Variants in DCLK2 observed in about 807,000 individuals in gnomAD.
The protein encoded by DCLK2 is serine/threonine-protein kinase DCLK2.
A neutral mutation model predicts 78.4 loss-of-function variants in DCLK2; 31 were observed. The ratio of observed to expected loss-of-function variants is 0.40; its 90% CI spans 0.30 to 0.53. The LOEUF is 0.53. Ranked by LOEUF, DCLK2 falls within the 20% of genes least tolerant of loss-of-function variation. The pLI, the probability that DCLK2 is intolerant of heterozygous loss-of-function variation, is 0.61. For synonymous variants in DCLK2, 407 were observed against 374.9 expected (o/e 1.09, Z -0.99); for missense variants, 872 against 973.7 (o/e 0.90, Z 1.39).
intron 1 of DCLK2, among the ~76,000 whole-genome samples, chr4:150,096,156 CA>C (rs1309702209): frequency 6.6e-6 from 1 of 152,176 alleles, no homozygotes; most frequent in Non-Finnish European, 1.5e-5. Context: ...AGTTGGTTTC[CA>C]GAGGGGTTTA....
At chr4:150,089,170 A>G (rs1313477372) in intron 1 of DCLK2, among the ~76,000 whole-genome samples, 2 of 152,144 alleles carry the variant, frequency 1.3e-5, no homozygotes, top group East Asian at 3.8e-4. Flanking sequence ...CTTCCTCTAA[A>G]CATCATCACC....
At chr4:150,252,710 C>A (rs1351772258) in intron 15 of DCLK2, among the ~76,000 whole-genome samples, 2 of 152,212 alleles carry the variant, frequency 1.3e-5, no homozygotes, top group Non-Finnish European at 2.9e-5. Context: ...TTTGTGTGAA[C>A]AAACAACCCG....
intron 10 of DCLK2, among the ~76,000 whole-genome samples, chr4:150,238,688 C>A (rs1742687327): frequency 6.6e-6 from 1 of 151,802 alleles, no homozygotes; most frequent in South Asian, 2.1e-4. Context: ...TTTATTGAGC[C>A]CTGTTCTGAG....
chr4:150,231,017 A>T (rs778095035), intron 8 of DCLK2, among the ~76,000 whole-genome samples: 1 of 152,212 alleles, frequency 6.6e-6, no homozygotes, highest in Non-Finnish European at 1.5e-5. Context: ...GCATGCTCTT[A>T]TCTTTTTAAG....
At chr4:150,245,313 T>A (rs970002362) in intron 12 of DCLK2, among the ~76,000 whole-genome samples, 1 of 152,230 alleles carries the variant, frequency 6.6e-6, no homozygotes, top group African/African-American at 2.4e-5. Context: ...CTCCTCAGTG[T>A]GCCTCTTCAC....
intron 15 of DCLK2, chr4:150,253,257 C>T (rs1428105720): frequency 1.8e-6 from 1 of 550,496 alleles, no homozygotes; most frequent in Non-Finnish European, 3.4e-6. Flanking sequence ...ACCTGGTTTT[C>T]TGCAGATACA....
chr4:150,219,181 G>T (rs534050474), intron 5 of DCLK2, among the ~76,000 whole-genome samples: 1 of 151,654 alleles, frequency 6.6e-6, no homozygotes, highest in Non-Finnish European at 1.5e-5. Flanking sequence ...TCCAGCCTGG[G>T]CAACAGAATG....
chr4:150,101,718 A>T (rs1241335810), intron 1 of DCLK2, among the ~76,000 whole-genome samples: 1 of 152,198 alleles, frequency 6.6e-6, no homozygotes, highest in Non-Finnish European at 1.5e-5. Context: ...CAAATAATAT[A>T]GCTCTTATGT....
chr4:150,199,188 C>G (rs1456306724), intron 4 of DCLK2: 1 of 952,044 alleles, frequency 1.1e-6, no homozygotes, highest in Non-Finnish European at 1.6e-6. Context: ...TGGCTTATTC[C>G]AGTGCACATC....
At chr4:150,241,265 C>T (rs543866005) in intron 12 of DCLK2, among the ~76,000 whole-genome samples, 44 of 152,308 alleles carry the variant, frequency 2.9e-4, no homozygotes, top group Middle Eastern at 3.4e-3. Context: ...CCATTTGCTT[C>T]ACATGGTGGG....
chr4:150,205,578 G>C (rs914155980), intron 5 of DCLK2, among the ~76,000 whole-genome samples: 3 of 152,150 alleles, frequency 2.0e-5, no homozygotes, highest in African/African-American at 7.2e-5. Flanking sequence ...GATTTCAGTG[G>C]ACTTTTAAAT....
chr4:150,120,039 G>A (rs904000680), intron 2 of DCLK2, among the ~76,000 whole-genome samples: 2 of 152,132 alleles, frequency 1.3e-5, no homozygotes, highest in African/African-American at 4.8e-5. Flanking sequence ...CCTGCTGATA[G>A]CAATTTGTAC....
At position 150,102,951 on chromosome 4, in the gene DCLK2, GTA is replaced by G. The variant is rs878971327; in HGVS notation, c.756+141_756+142del. The G allele has an allele frequency of 1.1e-3, 826 of 720,202 alleles. 5 individuals carry two copies. The East Asian group carries it at 0.021, about 18-fold the overall frequency. 44.6% of individuals were successfully genotyped at this position (720,202 alleles called of 1,614,324 possible). A position where few individuals can be genotyped will look rare whatever the true frequency, so the allele number is the denominator to read the frequency against. On this transcript the variant is annotated intron_variant, in intron 2 of 15. Transcript: ENST00000296550. Reference sequence around the variant, plus strand: ...CATACTTGAGATTGTGTGTGTGTGTGTATGTGTGTGTGTGTGTATGTATGTAA... The same window carrying G: ...CATACTTGAGATTGTGTGTGTGTGTGTGTGTGTGTGTGTGTATGTATGTAA...
chr4:150,087,891 A>T (rs1410800081), intron 1 of DCLK2, among the ~76,000 whole-genome samples: 1 of 152,188 alleles, frequency 6.6e-6, no homozygotes, highest in Non-Finnish European at 1.5e-5. Context: ...TTTGGGGGAA[A>T]AGAGTTTGGG....
chr4:150,216,588 G>A (rs956227965), intron 5 of DCLK2, among the ~76,000 whole-genome samples: 13 of 152,218 alleles, frequency 8.5e-5, no homozygotes, highest in African/African-American at 2.9e-4. Flanking sequence ...GCAGTGAGCC[G>A]AGATTGTGCC....
chr4:150,118,175 G>A (rs1023414495), intron 2 of DCLK2, among the ~76,000 whole-genome samples: 3 of 152,112 alleles, frequency 2.0e-5, no homozygotes, highest in Non-Finnish European at 2.9e-5. Context: ...TGAGGGACAG[G>A]TCAAATAAGC....
intron 2 of DCLK2, among the ~76,000 whole-genome samples, chr4:150,171,529 T>G (rs1054702049): frequency 6.6e-6 from 1 of 152,236 alleles, no homozygotes; most frequent in Admixed American, 6.5e-5. Context: ...AAGTTGGGCT[T>G]TGCTGCAGCT....
chr4:150,088,800 A>AG lies in DCLK2; in HGVS notation c.421+9356dup, dbSNP rs1197732277. Among the ~76,000 whole-genome samples, 4 of 152,332 alleles carry AG rather than the reference A, an allele frequency of 2.6e-5. No homozygotes were observed. The East Asian group carries it at 7.7e-4, about 29-fold the overall frequency. On this transcript the variant is annotated intron_variant, in intron 1 of 15. Transcript: ENST00000296550. ...ACCTGTAGTTTATTCAGCCTCCCCA[A>AG]GGGGAAAAAAAGATCATTCCAGCCC...
chr4:150,149,086 A>G (rs954062177), intron 2 of DCLK2, among the ~76,000 whole-genome samples: 4 of 151,554 alleles, frequency 2.6e-5, no homozygotes, highest in African/African-American at 9.7e-5. Flanking sequence ...GATACCTGAA[A>G]GAAAAGAAAA....
Sources: allele counts gnomAD v4.1 joint callset (sites outside exome capture counted in the v4.1 genomes callset), GRCh38; gene constraint gnomAD v4.1.1; transcripts MANE v1.5; gene names NCBI Gene and HGNC (gene_info 2026-07-23, HGNC 2026-07-21).